Variants in CFDP1 observed in about 807,000 individuals in gnomAD.
CFDP1 encodes the protein chromatin remodeling protein CFDP1.
CFDP1 carries 31 observed loss-of-function variants against 40.1 expected under a neutral mutation model. The observed-to-expected ratio is 0.77, with a 90% CI of 0.58 to 1.04. The LOEUF is 1.04. CFDP1 is among the 50% of genes least tolerant of loss of function. The pLI is 0.00. For missense variants in CFDP1, 423 were observed against 343.4 expected (o/e 1.23, Z -1.83); for synonymous variants, 167 against 120.0 (o/e 1.39, Z -2.56).
intron 5 of CFDP1, among the ~76,000 whole-genome samples, chr16:75,349,617 C>T (rs1236759106): frequency 7.7e-6 from 1 of 129,936 alleles, no homozygotes; most frequent in Non-Finnish European, 1.6e-5. Context: ...TGCTGCTGTA[C>T]CCCAGCCTGG....
At chr16:75,421,552 C>T (rs1044432347) in intron 1 of CFDP1, among the ~76,000 whole-genome samples, 1 of 152,126 alleles carries the variant, frequency 6.6e-6, no homozygotes, top group Non-Finnish European at 1.5e-5. Flanking sequence ...CTTCCAATAA[C>T]CTTTCTAGTG....
intron 5 of CFDP1, among the ~76,000 whole-genome samples, chr16:75,313,474 G>A (rs187420940): frequency 4.6e-5 from 7 of 152,172 alleles, no homozygotes; most frequent in East Asian, 3.9e-4. Flanking sequence ...GATTACAGGC[G>A]CCCACCACCA....
chr16:75,381,233 A>C (rs954254507), intron 5 of CFDP1: 1 of 152,164 alleles, frequency 6.6e-6, no homozygotes, highest in African/African-American at 2.4e-5. Context: ...AGAGGCCAAC[A>C]TGGGAGGAAT....
At chr16:75,308,791 G>A (rs565157663) in intron 5 of CFDP1, among the ~76,000 whole-genome samples, 8 of 152,268 alleles carry the variant, frequency 5.3e-5, no homozygotes, top group African/African-American at 1.9e-4. Context: ...GTATTCCTGG[G>A]TGAGGCCATC....
intron 5 of CFDP1, among the ~76,000 whole-genome samples, chr16:75,330,344 T>C (rs2078436751): frequency 6.6e-6 from 1 of 152,214 alleles, no homozygotes; most frequent in South Asian, 2.1e-4. Context: ...CCCAACACTT[T>C]GGGAGGCCAA....
chr16:75,417,854 A>C (rs1033580967), intron 1 of CFDP1, among the ~76,000 whole-genome samples: 9 of 152,194 alleles, frequency 5.9e-5, no homozygotes, highest in African/African-American at 2.2e-4. Context: ...AGTAACATCA[A>C]TGCTGGTATT....
At chr16:75,305,267 C>T in intron 5 of CFDP1, 85 bp from the exon 6 acceptor site, 1 of 1,388,870 alleles carries the variant, frequency 7.2e-7, no homozygotes, top group South Asian at 1.3e-5. Flanking sequence ...TGGGAATCCC[C>T]TAGATTGGGG....
chr16:75,295,648 G>A (rs140436114), intron 6 of CFDP1, among the ~76,000 whole-genome samples: 12 of 152,298 alleles, frequency 7.9e-5, no homozygotes, highest in African/African-American at 1.4e-4. Context: ...TGTCAAAACC[G>A]TCAATGAGGC....
intron 1 of CFDP1, among the ~76,000 whole-genome samples, chr16:75,432,794 G>C (rs991462815): frequency 6.6e-6 from 1 of 152,210 alleles, no homozygotes. Context: ...GTTCTGAGAG[G>C]AGAGGATGGG....
At position 75,349,698 on chromosome 16, in the gene CFDP1, T is replaced by TATATATAC. The variant is rs146824267; in HGVS notation, c.651-44517_651-44516insGTATATAT. The stretch of plus-strand genomic sequence containing the variant: ...AAAAAAAAAAAAAAAAAAATATATA[T>TATATATAC]ACATACATATATACGGTTGATTTTT... On this transcript the variant is annotated intron_variant, in intron 5 of 6. Transcript: ENST00000283882. Among the ~76,000 whole-genome samples, 23 of 47,898 alleles carry TATATATAC rather than the reference T, an allele frequency of 4.8e-4. 1 individual carries two copies. The highest frequency in any genetic ancestry group is 1.6e-3 in the South Asian group (2 of 1,242). 31.4% of individuals were successfully genotyped at this position (47,898 alleles called of 152,430 possible).
chr16:75,412,521 A>C lies in CFDP1; in HGVS notation c.402+14T>G, dbSNP rs1328029520. On this transcript the variant is annotated intron_variant, in intron 3 of 6. Coordinates refer to ENST00000283882, the MANE Select transcript of CFDP1 (RefSeq NM_006324.3). ...TTCTGGAGAGGCATTCACCTCACTA[A>C]TGTCTCAACTTACCTTAACTTGTGT... 6.2e-7 allele frequency: 1 copy of C among 1,601,496 alleles called. No homozygotes were observed. Among genetic ancestry groups the C allele is most frequent in the Non-Finnish European group, 8.6e-7 (1 of 1,168,592 alleles).
intron 2 of CFDP1, among the ~76,000 whole-genome samples, chr16:75,413,362 T>A (rs1345881425): frequency 6.6e-6 from 1 of 152,008 alleles, no homozygotes; most frequent in Admixed American, 6.6e-5. Flanking sequence ...TCCACTACCT[T>A]TTTTCTCTTT....
chr16:75,389,707 T>C (rs1402219140), intron 5 of CFDP1, among the ~76,000 whole-genome samples: 1 of 152,228 alleles, frequency 6.6e-6, no homozygotes, highest in East Asian at 1.9e-4. Flanking sequence ...ACTGTGTTAA[T>C]TTTCTTTTAA....
chr16:75,359,263 C>G (rs1291816511), intron 5 of CFDP1, among the ~76,000 whole-genome samples: 1 of 151,972 alleles, frequency 6.6e-6, no homozygotes, highest in Non-Finnish European at 1.5e-5. Context: ...AGTTATAACC[C>G]AGTCAATAAT....
chr16:75,310,122 C>G (rs547684877), intron 5 of CFDP1, among the ~76,000 whole-genome samples: 1 of 152,170 alleles, frequency 6.6e-6, no homozygotes, highest in Non-Finnish European at 1.5e-5. Context: ...TTGCAACCAC[C>G]TCCTCCTGAA....
intron 5 of CFDP1, among the ~76,000 whole-genome samples, chr16:75,361,598 C>T (rs1347323703): frequency 5.9e-5 from 9 of 152,058 alleles, no homozygotes; most frequent in Non-Finnish European, 7.4e-5. Flanking sequence ...GCCTGGGCAA[C>T]AGAGCAAGAC....
chr16:75,389,564 C>A (rs184123009), intron 5 of CFDP1, among the ~76,000 whole-genome samples: 10 of 152,184 alleles, frequency 6.6e-5, no homozygotes, highest in Non-Finnish European at 1.3e-4. Context: ...TTTTACTCTC[C>A]TGCTCTGGTT....
At chr16:75,346,795 C>T (rs1020393293) in intron 5 of CFDP1, among the ~76,000 whole-genome samples, 1 of 151,428 alleles carries the variant, frequency 6.6e-6, no homozygotes, top group Non-Finnish European at 1.5e-5. Context: ...TAATTTTGCC[C>T]CATTCCTCTT....
chr16:75,342,368 G>A (rs1045801119), intron 5 of CFDP1, among the ~76,000 whole-genome samples: 3 of 152,214 alleles, frequency 2.0e-5, no homozygotes, highest in Non-Finnish European at 2.9e-5. Context: ...GAAAAAGTCA[G>A]TATAACAGGA....
Sources: gnomAD v4.1 joint callset for allele counts (sites outside exome capture counted in the v4.1 genomes callset) on GRCh38, gnomAD v4.1.1 for gene constraint, MANE v1.5 for transcripts, NCBI Gene and HGNC (gene_info 2026-07-23, HGNC 2026-07-21) for gene names.